MPDZ: variants seen among roughly 807,000 people sequenced by gnomAD.
The protein encoded by MPDZ is multiple PDZ domain crumbs cell polarity complex component.
Under a neutral mutation model 239.1 loss-of-function variants are expected in MPDZ, and 234 were observed. The observed-to-expected ratio is 0.98, with a 90% CI of 0.88 to 1.09. MPDZ has a LOEUF of 1.09. Ranked by LOEUF, MPDZ falls within the 50% of genes least tolerant of loss-of-function variation. MPDZ has a pLI of 0.00. For synonymous variants in MPDZ, 1,048 were observed against 881.3 expected (o/e 1.19, Z -3.35); for missense variants, 3,175 against 2,510.0 (o/e 1.26, Z -5.66).
intron 1 of MPDZ, among the ~76,000 whole-genome samples, chr9:13,278,240 T>C (rs983303090): frequency 6.6e-6 from 1 of 152,126 alleles, no homozygotes; most frequent in African/African-American, 2.4e-5. Context: ...TCCTCTTATC[T>C]ATCTGATGAT....
chr9:13,215,773 T>TG (rs1958236500), intron 10 of MPDZ, among the ~76,000 whole-genome samples: 1 of 138,912 alleles, frequency 7.2e-6, no homozygotes, highest in African/African-American at 2.7e-5. Context: ...TTTTTTTTTT[T>TG]TGTCTTTTTT....
chr9:13,235,951 G>A (rs888289779), intron 3 of MPDZ, among the ~76,000 whole-genome samples: 2 of 151,936 alleles, frequency 1.3e-5, no homozygotes, highest in African/African-American at 4.8e-5. Flanking sequence ...GTGTAACACT[G>A]ATTGTTATAA....
At chr9:13,275,514 G>A (rs562515263) in intron 1 of MPDZ, among the ~76,000 whole-genome samples, 1 of 152,304 alleles carries the variant, frequency 6.6e-6, no homozygotes, top group Admixed American at 6.5e-5. Context: ...TGTCAAGGCA[G>A]CCCTATCAAA....
intron 10 of MPDZ, among the ~76,000 whole-genome samples, chr9:13,206,414 G>T (rs573409669): frequency 6.6e-6 from 1 of 151,804 alleles, no homozygotes; most frequent in Non-Finnish European, 1.5e-5. Flanking sequence ...GTTGAGACAG[G>T]GTCTCACTCT....
Position 13,115,228 on chromosome 9 carries a change from T to G in MPDZ, c.5466+20A>C. 1.2e-6 allele frequency: 2 copies of G among 1,603,562 alleles called. No homozygotes were observed. Among genetic ancestry groups the G allele is most frequent in the Non-Finnish European group, 1.7e-6 (2 of 1,171,900 alleles). ...TGGCATGCCGATTGCATCGCCCTGA[T>G]GAACTCCACAGCTACCCACCTGGCT... On this transcript the variant is annotated intron_variant, in intron 40 of 46. Transcript: ENST00000319217.
Position 13,221,395 on chromosome 9 carries a change from G to A in MPDZ, c.853C>T (p.Leu285=), listed in dbSNP as rs768451540. Residue 285 remains leucine (L), a synonymous_variant, in exon 7 of 47, where the codon CTG becomes TTG. Transcript: ENST00000319217. ...KATGVIVKTI[L]PGGVADQHGR... Reference sequence around the variant, plus strand: ...ACCTGATCAGCTACTCCTCCAGGCAGAATGGTTTTTACTATCACACCAGTT... The same window carrying A: ...ACCTGATCAGCTACTCCTCCAGGCAAAATGGTTTTTACTATCACACCAGTT... 1.9e-6 allele frequency: 3 copies of A among 1,609,888 alleles called. No individual in the cohort carries two copies. The South Asian group carries it at 3.3e-5, about 18-fold the overall frequency.
At chr9:13,165,515 C>T (rs547991963) in intron 22 of MPDZ, 14 of 1,385,954 alleles carry the variant, frequency 1.0e-5, no homozygotes, top group South Asian at 1.4e-5. Flanking sequence ...AAAGTGGGTG[C>T]TCCTGGTTGT....
intron 12 of MPDZ, among the ~76,000 whole-genome samples, chr9:13,196,777 G>T (rs1955708155): frequency 6.6e-6 from 1 of 151,784 alleles, no homozygotes; most frequent in Non-Finnish European, 1.5e-5. Context: ...TACAAAAAGA[G>T]AAATTTTTAA....
At chr9:13,157,024 A>G (rs1227830074) in intron 24 of MPDZ, among the ~76,000 whole-genome samples, 1 of 143,586 alleles carries the variant, frequency 7.0e-6, no homozygotes, top group African/African-American at 2.8e-5. Flanking sequence ...CTTCTTTGAA[A>G]GCAACATAAA....
chr9:13,136,573 G>GC, intron 30 of MPDZ, 139 bp downstream of exon 30: 1 of 616,348 alleles, frequency 1.6e-6, no homozygotes, highest in South Asian at 1.9e-5. Flanking sequence ...TGATCCGCCC[G>GC]CCTCAGCCTC....
intron 1 of MPDZ, among the ~76,000 whole-genome samples, chr9:13,256,961 G>T (rs1408740085): frequency 6.6e-6 from 1 of 152,102 alleles, no homozygotes; most frequent in Non-Finnish European, 1.5e-5. Flanking sequence ...CTGTATATAT[G>T]GGGTAAGGTC....
chr9:13,223,469 T>A, intron 5 of MPDZ, 102 bp downstream of exon 5: 1 of 1,353,290 alleles, frequency 7.4e-7, no homozygotes, highest in Non-Finnish European at 9.8e-7. Context: ...TTATGTTCAA[T>A]TTTTTGTTGC....
At chr9:13,240,796 G>C (rs1048310392) in intron 3 of MPDZ, among the ~76,000 whole-genome samples, 2 of 151,904 alleles carry the variant, frequency 1.3e-5, no homozygotes. Flanking sequence ...AGGGCTTCTT[G>C]AAAGGTAATT....
At chr9:13,184,642 A>C (rs887305515) in intron 18 of MPDZ, among the ~76,000 whole-genome samples, 1 of 151,998 alleles carries the variant, frequency 6.6e-6, no homozygotes, top group Admixed American at 6.6e-5. Flanking sequence ...AATATACATA[A>C]CATACAACAA....
At chr9:13,158,762 G>C (rs1168407377) in intron 23 of MPDZ, among the ~76,000 whole-genome samples, 2 of 152,128 alleles carry the variant, frequency 1.3e-5, no homozygotes, top group Admixed American at 1.3e-4. Context: ...CCAAATGCCA[G>C]GCATGTAACA....
intron 38 of MPDZ, 127 bp from the exon 39 acceptor site, chr9:13,119,776 G>T: frequency 1.0e-6 from 1 of 987,956 alleles, no homozygotes; most frequent in Non-Finnish European, 1.5e-6. Context: ...TTTGTTATTT[G>T]GAGCAACACT....
At chr9:13,206,299 A>G in intron 10 of MPDZ, among the ~76,000 whole-genome samples, 200 bp from the exon 11 acceptor site, 1 of 151,982 alleles carries the variant, frequency 6.6e-6, no homozygotes, top group East Asian at 1.9e-4. Context: ...ATCATTTGAG[A>G]GGCTTCTGTT....
At chr9:13,115,423 T>G (rs2274647) in intron 39 of MPDZ, 89 bp from the exon 40 acceptor site, 358,634 of 1,069,934 alleles carry the variant, frequency 0.34, 63,824 homozygotes, top group East Asian at 0.62. Context: ...CTTCAAGACT[T>G]TTTTGAAAGG....
chr9:13,170,654 G>C (rs1951675313), intron 21 of MPDZ, among the ~76,000 whole-genome samples: 1 of 152,160 alleles, frequency 6.6e-6, no homozygotes, highest in South Asian at 2.1e-4. Context: ...TTACCATCTT[G>C]TTCTTATTAG....
Sources: gnomAD v4.1 joint callset for allele counts (sites outside exome capture counted in the v4.1 genomes callset) on GRCh38, gnomAD v4.1.1 for gene constraint, MANE v1.5 for transcripts, NCBI Gene and HGNC (gene_info 2026-07-23, HGNC 2026-07-21) for gene names.